The following VCAN variants were observed in gnomAD, a reference collection of about 807,000 sequenced individuals.
VCAN encodes the protein versican.
VCAN carries 44 observed loss-of-function variants against 245.5 expected under a neutral mutation model. That is an observed-to-expected ratio of 0.18 (90% CI 0.14 to 0.23). The LOEUF (loss-of-function observed/expected upper bound fraction) is 0.23. Ranked by LOEUF, VCAN falls within the 10% of genes least tolerant of loss-of-function variation. The pLI is 1.00. For missense variants in VCAN, 3,793 were observed against 4,057.9 expected, an observed-to-expected ratio of 0.93 and a Z score of 1.77; for synonymous variants, 1,413 against 1,437.0, an observed-to-expected ratio of 0.98 and a Z score of 0.38.
At chr5:83,500,545 AC>A (rs2112370424) in intron 5 of VCAN, among the ~76,000 whole-genome samples, 1 of 152,294 alleles carries the variant, frequency 6.6e-6, no homozygotes, top group Non-Finnish European at 1.5e-5. Flanking sequence ...GTATTATTTA[AC>A]TTAAATCTTA....
Position 83,545,605 on chromosome 5 carries a change from G to C in VCAN, c.9334G>C (p.Val3112Leu). Residue 3112 changes from valine (V) to leucine (L), a missense_variant, in exon 9 of 15, where the codon GTA becomes CTA. By Grantham distance (32) the Val-to-Leu change is conservative. This residue lies in a region of VCAN where 3,182 missense variants were observed against 3,250.3 expected (regional missense o/e 0.98). Coordinates refer to ENST00000265077, the MANE Select transcript of VCAN (RefSeq NM_004385.5). The part of the protein sequence containing the change: ...GTCYPTETSY[V>L]CTCVPGYSGD... ...CTGTTATCCTACTGAAACTTCCTAC[G>C]TATGCACCTGTGTGCCAGGATACAG... The C allele has an allele frequency of 6.2e-7, 1 of 1,614,104 alleles. No homozygotes were observed. The highest frequency in any genetic ancestry group is 8.5e-7 in the Non-Finnish European group (1 of 1,179,994).
Position 83,537,365 on chromosome 5 carries a change from T to C in VCAN, c.4362T>C (p.Phe1454=). The part of the protein sequence containing the change: ...SDSSESDTHP[F]VIAKTELSTA... Reference sequence around the variant, plus strand: ...GCTCTGAAAGTGATACTCATCCATTTGTAATAGCCAAAACGGAATTGTCTA... The same window carrying C: ...GCTCTGAAAGTGATACTCATCCATTCGTAATAGCCAAAACGGAATTGTCTA... The change falls in exon 8 of 15, where the codon TTT becomes TTC. Residue 1454 remains phenylalanine (F), a synonymous_variant. Transcript: ENST00000265077. 6.2e-7 allele frequency: 1 copy of C among 1,614,042 alleles called. No individual in the cohort carries two copies. Among genetic ancestry groups the C allele is most frequent in the Non-Finnish European group, 8.5e-7 (1 of 1,179,968 alleles).
At chr5:83,507,423 A>G (rs1471504119) in intron 5 of VCAN, among the ~76,000 whole-genome samples, 5 of 152,252 alleles carry the variant, frequency 3.3e-5, no homozygotes, top group Non-Finnish European at 4.4e-5. Flanking sequence ...TAAAGGTTGT[A>G]CTGTGATTAA....
At chr5:83,548,725 G>C (rs1475599711) in intron 10 of VCAN, among the ~76,000 whole-genome samples, 1 of 152,176 alleles carries the variant, frequency 6.6e-6, no homozygotes, top group Non-Finnish European at 1.5e-5. Context: ...ATAAGAAACA[G>C]ATTGCATGCT....
chr5:83,527,383 GCTGT>G (rs752336064), intron 7 of VCAN, among the ~76,000 whole-genome samples: 1 of 152,164 alleles, frequency 6.6e-6, no homozygotes, highest in African/African-American at 2.4e-5. Flanking sequence ...TCCAGCTGTG[GCTGT>G]CTGTCAGAGA....
At chr5:83,478,076 G>A (rs1744463775) in intron 1 of VCAN, among the ~76,000 whole-genome samples, 1 of 151,492 alleles carries the variant, frequency 6.6e-6, no homozygotes, top group Admixed American at 6.6e-5. Context: ...CCTAGTAGCT[G>A]GGATTATGGG....
chr5:83,539,416 C>A lies in VCAN; in HGVS notation c.6413C>A (p.Thr2138Lys), dbSNP rs1289163739. The change falls in exon 8 of 15, where the codon ACA becomes AAA. Residue 2138 changes from threonine (T) to lysine (K), a missense_variant. Around this residue, in one of 5 missense-constraint regions of VCAN, gnomAD observed 3,182 missense variants for 3,250.3 expected, o/e 0.98. Transcript: ENST00000265077. The part of the protein sequence containing the change: ...SPQNSPATEQ[T>K]IFDSQTFTET... ...CAAAACTCTCCTGCAACAGAACAAA[C>A]AATCTTTGATTCACAGACATTTACT... 1 of 1,613,842 alleles carries A rather than the reference C, an allele frequency of 6.2e-7. No homozygotes were observed. The highest frequency in any genetic ancestry group is 8.5e-7 in the Non-Finnish European group (1 of 1,179,922).
intron 10 of VCAN, 145 bp from the exon 11 acceptor site, chr5:83,553,219 T>C (rs1747536565): frequency 1.9e-6 from 2 of 1,043,182 alleles, no homozygotes; most frequent in Non-Finnish European, 2.9e-6. Context: ...ATAATTTCTT[T>C]GTCATCGTGA....
intron 10 of VCAN, 73 bp from the exon 11 acceptor site, chr5:83,553,291 T>TAAC: frequency 6.3e-7 from 1 of 1,596,656 alleles, no homozygotes. Flanking sequence ...GGTATCCTAC[T>TAAC]AACACTTGGT....
intron 5 of VCAN, among the ~76,000 whole-genome samples, chr5:83,496,580 CA>C (rs1254094835): frequency 6.6e-6 from 1 of 152,210 alleles, no homozygotes; most frequent in African/African-American, 2.4e-5. Context: ...AGAAACTTGA[CA>C]ATTCTGGAGG....
At chr5:83,560,962 G>A (rs966372850) in intron 12 of VCAN, among the ~76,000 whole-genome samples, 3 of 152,244 alleles carry the variant, frequency 2.0e-5, no homozygotes, top group Non-Finnish European at 2.9e-5. Flanking sequence ...TATAGAGGCC[G>A]AGGACTGAAT....
rs1173831491 is a variant in VCAN at position 83,521,287 on chromosome 5, A to G, written c.2981A>G (p.Asp994Gly). Reference sequence around the variant, plus strand: ...TTAGTACCTTCTGTTCCATCAGAAGATGAAGTTCTAGGTGAACCCTCTCAA... The same window carrying G: ...TTAGTACCTTCTGTTCCATCAGAAGGTGAAGTTCTAGGTGAACCCTCTCAA... ...GVLVPSVPSE[D>G]EVLGEPSQDI... is the part of the protein sequence containing the mutation. The change falls in exon 7 of 15, where the codon GAT becomes GGT. Residue 994 changes from aspartate (D) to glycine (G), a missense_variant. Around this residue, in one of 5 missense-constraint regions of VCAN, gnomAD observed 3,182 missense variants for 3,250.3 expected, o/e 0.98. Coordinates refer to ENST00000265077, the MANE Select transcript of VCAN (RefSeq NM_004385.5). 1 of 1,614,082 alleles carries G rather than the reference A, an allele frequency of 6.2e-7. No homozygotes were observed. The highest frequency in any genetic ancestry group is 1.7e-5 in the Admixed American group (1 of 60,026).
At chr5:83,542,504 A>G (rs1398823819) in intron 8 of VCAN, among the ~76,000 whole-genome samples, 1 of 152,220 alleles carries the variant, frequency 6.6e-6, no homozygotes, top group African/African-American at 2.4e-5. Flanking sequence ...TTTAGAAATA[A>G]TATACAATTA....
chr5:83,541,996 C>G lies in VCAN; in HGVS notation c.8993C>G (p.Thr2998Ser), dbSNP rs376468449. ...AGVVPWLSPQ[T>S]SERPTLSSSP... ...GTGGTGCCTTGGCTAAGTCCACAGA[C>G]TTCTGAGAGGCCCACGCTTTCTTCT... Residue 2998 changes from threonine to serine, a missense_variant, in exon 8 of 15, where the codon ACT (threonine) becomes AGT (serine). By Grantham distance (58) the Thr-to-Ser change is moderately conservative. This residue lies in a region of VCAN where 3,182 missense variants were observed against 3,250.3 expected (regional missense o/e 0.98). Coordinates refer to ENST00000265077, the MANE Select transcript of VCAN (RefSeq NM_004385.5). 2.5e-6 allele frequency: 4 copies of G among 1,612,270 alleles called. No individual in the cohort carries two copies. In the African/African-American group the frequency reaches 5.3e-5, roughly 22 times the overall value.
Position 83,519,475 on chromosome 5 carries a change from T to A in VCAN, c.1169T>A (p.Val390Asp), listed in dbSNP as rs1745986513. The A allele has an allele frequency of 6.2e-7, 1 of 1,614,044 alleles. No homozygotes were observed. The highest frequency in any genetic ancestry group is 1.3e-5 in the African/African-American group (1 of 74,934). ...PIIPLVDELP[V>D]IPTEFPPVGN... ...ATCCCTTTAGTTGATGAATTACCTG[T>A]CATTCCAACAGAGTTCCCTCCCGTG... is the stretch of plus-strand genomic sequence containing the variant. The change falls in exon 7 of 15, where the codon GTC becomes GAC. Residue 390 changes from valine to aspartate, a missense_variant. Transcript: ENST00000265077.
chr5:83,506,633 G>C (rs1054498413), intron 5 of VCAN, among the ~76,000 whole-genome samples: 2 of 152,078 alleles, frequency 1.3e-5, no homozygotes, highest in African/African-American at 2.4e-5. Context: ...ACCCCTGCCT[G>C]TTACCCAGTT....
intron 5 of VCAN, among the ~76,000 whole-genome samples, chr5:83,501,484 G>A (rs529474287): frequency 1.3e-5 from 2 of 152,174 alleles, no homozygotes; most frequent in African/African-American, 4.8e-5. Flanking sequence ...TGTATATGGT[G>A]TGAGGTTGGA....
At position 83,539,489 on chromosome 5, in the gene VCAN, A is replaced by G. The variant is rs1394999878; in HGVS notation, c.6486A>G (p.Lys2162=). The stretch of plus-strand genomic sequence containing the variant: ...ATTATTCTGTACTAACAACAAAGAA[A>G]ACTTACAGTGATGATAAAGAAATGA... The part of the protein sequence containing the change: ...TTDYSVLTTK[K]TYSDDKEMKE... The change falls in exon 8 of 15, where the codon AAA becomes AAG. Residue 2162 remains lysine, a synonymous_variant. Coordinates refer to ENST00000265077, the MANE Select transcript of VCAN (RefSeq NM_004385.5). 6.2e-7 allele frequency: 1 copy of G among 1,613,840 alleles called. No individual in the cohort carries two copies.
At chr5:83,542,408 A>G (rs1328286523) in intron 8 of VCAN, 140 bp downstream of exon 8, 2 of 922,402 alleles carry the variant, frequency 2.2e-6, no homozygotes, top group African/African-American at 1.6e-5. Flanking sequence ...AGGCCAGGCC[A>G]CAGTATTGAG....
Sources: allele counts gnomAD v4.1 joint callset (sites outside exome capture counted in the v4.1 genomes callset), GRCh38; gene constraint gnomAD v4.1.1; regional missense constraint gnomAD v4.1.1; transcripts MANE v1.5; gene names NCBI Gene and HGNC (gene_info 2026-07-23, HGNC 2026-07-21).